The following LARGE1 variants were observed in gnomAD, a reference collection of about 807,000 sequenced individuals.
The protein encoded by LARGE1 is LARGE xylosyl- and glucuronyltransferase 1, also known as xylosyl- and glucuronyltransferase LARGE1.
In LARGE1, 43 loss-of-function variants were observed where a neutral mutation model predicts 87.6. The observed-to-expected ratio is 0.49, with a 90% CI of 0.38 to 0.63. LARGE1 has a LOEUF of 0.63. Ranked by LOEUF, LARGE1 falls within the 30% of genes least tolerant of loss-of-function variation. The probability of loss-of-function intolerance (pLI) is 0.00; values close to 1 mark genes in which losing one functional copy is unlikely to be tolerated. For missense variants in LARGE1, 802 were observed against 1,000.2 expected (o/e 0.80, Z 2.67); for synonymous variants, 434 against 394.6 (o/e 1.10, Z -1.18).
chr22:33,072,607 G>T, the LARGE1 span, among the ~76,000 whole-genome samples: 3 of 152,134 alleles, frequency 2.0e-5, no homozygotes, highest in Admixed American at 6.6e-5. Context: ...GGCTCTAAAG[G>T]TAAAGTACCA....
At chr22:33,175,642 A>G (rs977710288) in intron 11 of LARGE1, among the ~76,000 whole-genome samples, 2 of 152,196 alleles carry the variant, frequency 1.3e-5, no homozygotes, top group African/African-American at 4.8e-5. Flanking sequence ...CCACTGCTCA[A>G]TGAAATAAAA....
chr22:33,223,262 G>A lies in LARGE1; in HGVS notation c.1731-56430C>T, dbSNP rs1602112384. Among the ~76,000 whole-genome samples, 5 of 152,216 alleles carry A rather than the reference G, an allele frequency of 3.3e-5. No homozygotes were observed. The South Asian group carries it at 1.0e-3, about 32-fold the overall frequency. The stretch of plus-strand genomic sequence containing the variant: ...AATAAGTCAAAGGGGCAAGGCAGAA[G>A]CTTGAGCAGAAAATGAGCCAAGAAT... On this transcript the variant is annotated intron_variant, in intron 11 of 11. Transcript: ENST00000608642.
At chr22:33,398,004 A>C (rs1204057446) in intron 7 of LARGE1, among the ~76,000 whole-genome samples, 1 of 151,712 alleles carries the variant, frequency 6.6e-6, no homozygotes, top group African/African-American at 2.4e-5. Context: ...CCTTTTTCTT[A>C]CTGGTTTGGA....
At chr22:33,124,096 G>C in the LARGE1 span, among the ~76,000 whole-genome samples, 1 of 152,118 alleles carries the variant, frequency 6.6e-6, no homozygotes, top group Admixed American at 6.5e-5. Context: ...AGACTAGCCT[G>C]TCCAACATGG....
At chr22:33,737,264 G>A (rs1440204947) in intron 2 of LARGE1, among the ~76,000 whole-genome samples, 5 of 152,252 alleles carry the variant, frequency 3.3e-5, no homozygotes, top group South Asian at 4.1e-4. Context: ...TTCCCCACAT[G>A]GGCTTTTGTC....
chr22:33,198,636 GACACACACACACAC>G (rs71187250), intron 11 of LARGE1, among the ~76,000 whole-genome samples: 53 of 137,740 alleles, frequency 3.8e-4, no homozygotes, highest in Admixed American at 9.2e-4. Flanking sequence ...TATACACCGT[GACACACACACACAC>G]ACACACACAC....
At chr22:33,269,034 A>G (rs180847628), downstream of LARGE1, among the ~76,000 whole-genome samples, 6 of 152,298 alleles carry the variant, frequency 3.9e-5, no homozygotes, top group African/African-American at 1.4e-4. Flanking sequence ...TGAACTAACA[A>G]AACAACTTCT....
intron 6 of LARGE1, among the ~76,000 whole-genome samples, chr22:33,447,006 G>A (rs1462138593): frequency 6.6e-6 from 1 of 152,182 alleles, no homozygotes; most frequent in African/African-American, 2.4e-5. Context: ...TGATTCTCCT[G>A]CCTCAGCCTC....
intron 2 of LARGE1, among the ~76,000 whole-genome samples, chr22:33,754,931 C>G (rs1324674113): frequency 6.6e-6 from 1 of 152,156 alleles, no homozygotes; most frequent in Non-Finnish European, 1.5e-5. Context: ...GGGGAGCAGA[C>G]ACAGGGCTGG....
intron 11 of LARGE1, among the ~76,000 whole-genome samples, chr22:33,219,709 GT>G (rs374035950): frequency 2.6e-4 from 40 of 152,288 alleles, no homozygotes; most frequent in African/African-American, 8.4e-4. Flanking sequence ...AGTCAGAAAG[GT>G]GTTCAACCAT....
chr22:33,633,588 C>T (rs1374402247), intron 3 of LARGE1, among the ~76,000 whole-genome samples: 15 of 152,250 alleles, frequency 9.9e-5, no homozygotes, highest in African/African-American at 3.4e-4. Context: ...CCTGCCAGCC[C>T]TGCTTCTCTT....
intron 2 of LARGE1, among the ~76,000 whole-genome samples, chr22:33,754,776 C>G (rs1472029227): frequency 6.6e-6 from 1 of 152,168 alleles, no homozygotes; most frequent in African/African-American, 2.4e-5. Flanking sequence ...GGCAGGACAG[C>G]AAAAATAGGC....
intron 1 of LARGE1, among the ~76,000 whole-genome samples, chr22:33,871,141 C>A (rs2064267285): frequency 6.6e-6 from 1 of 152,164 alleles, no homozygotes; most frequent in African/African-American, 2.4e-5. Flanking sequence ...TTTCATGGCA[C>A]AAATAAATTA....
At chr22:33,844,220 G>C (rs1022843090) in intron 1 of LARGE1, among the ~76,000 whole-genome samples, 1 of 152,138 alleles carries the variant, frequency 6.6e-6, no homozygotes, top group Admixed American at 6.5e-5. Flanking sequence ...GTTTTATTGA[G>C]GGCAAATAAA....
intron 11 of LARGE1, among the ~76,000 whole-genome samples, chr22:33,245,076 G>A (rs1249826620): frequency 2.0e-5 from 3 of 152,104 alleles, no homozygotes; most frequent in Admixed American, 6.5e-5. Flanking sequence ...GAGAACTGAG[G>A]GTCCTGGGAA....
chr22:33,079,314 G>C, the LARGE1 span, among the ~76,000 whole-genome samples: 1 of 134,616 alleles, frequency 7.4e-6, no homozygotes, highest in African/African-American at 2.8e-5. Context: ...TGCAAGCTCC[G>C]CCTCCTGGGT....
intron 12 of LARGE1, among the ~76,000 whole-genome samples, chr22:33,303,395 T>G (rs1344904780): frequency 6.6e-6 from 1 of 152,070 alleles, no homozygotes; most frequent in Admixed American, 6.5e-5. Flanking sequence ...GTTCCCCATT[T>G]AGAAAAGGAA....
At chr22:33,384,095 G>A (rs772297217) in intron 8 of LARGE1, 97 bp downstream of exon 8, 154 of 902,518 alleles carry the variant, frequency 1.7e-4, no homozygotes, top group Non-Finnish European at 2.6e-4. Flanking sequence ...CACACAATAC[G>A]TAGAAAACCA....
At chr22:33,898,988 G>T (rs1218464932) in intron 1 of LARGE1, among the ~76,000 whole-genome samples, 4 of 152,162 alleles carry the variant, frequency 2.6e-5, no homozygotes, top group Non-Finnish European at 5.9e-5. Context: ...CTCCCTATCA[G>T]AAGTGAACAG....
Sources: gnomAD v4.1 joint callset for allele counts (sites outside exome capture counted in the v4.1 genomes callset) on GRCh38, gnomAD v4.1.1 for gene constraint, MANE v1.5 for transcripts, NCBI Gene and HGNC (gene_info 2026-07-23, HGNC 2026-07-21) for gene names.